STPG2: variants seen among roughly 807,000 people sequenced by gnomAD.
The protein encoded by STPG2 is sperm-tail PG-rich repeat-containing protein 2.
STPG2 carries 56 observed loss-of-function variants against 54.2 expected under a neutral mutation model. The ratio of observed to expected loss-of-function variants is 1.03; its 90% CI spans 0.83 to 1.29. The LOEUF (loss-of-function observed/expected upper bound fraction) is 1.29, where lower values mean the gene tolerates loss of function less well. Among genes scored for constraint, STPG2 ranks in the 50% most tolerant of loss-of-function variants. The probability of loss-of-function intolerance (pLI) is 0.00; values close to 1 mark genes in which losing one functional copy is unlikely to be tolerated. For missense variants in STPG2, 596 were observed against 544.9 expected (o/e 1.09, Z -0.93); for synonymous variants, 200 against 181.8 (o/e 1.10, Z -0.81).
chr4:97,890,349 TA>T (rs869180083), intron 8 of STPG2, among the ~76,000 whole-genome samples: 3 of 151,994 alleles, frequency 2.0e-5, no homozygotes, highest in African/African-American at 7.2e-5. Flanking sequence ...ACACCAAATT[TA>T]AAAAAATTTT....
chr4:97,517,020 G>A (rs925519244), intron 4 of STPG2, among the ~76,000 whole-genome samples: 1 of 151,648 alleles, frequency 6.6e-6, no homozygotes, highest in African/African-American at 2.4e-5. Flanking sequence ...TGATTTTCCT[G>A]CCTCAGCCTC....
intron 10 of STPG2, among the ~76,000 whole-genome samples, chr4:97,684,924 A>G (rs1723142803): frequency 1.3e-5 from 2 of 151,998 alleles, no homozygotes; most frequent in Admixed American, 6.6e-5. Flanking sequence ...ATGAACAGAC[A>G]CCTCACTAAA....
At chr4:97,650,919 A>C (rs1288302296) in intron 10 of STPG2, among the ~76,000 whole-genome samples, 2 of 152,086 alleles carry the variant, frequency 1.3e-5, no homozygotes, top group Non-Finnish European at 2.9e-5. Context: ...GTAAGTCACG[A>C]TATATAGGGT....
At chr4:97,567,209 CAT>C (rs928763931) in intron 10 of STPG2, among the ~76,000 whole-genome samples, 7 of 128,136 alleles carry the variant, frequency 5.5e-5, no homozygotes, top group Admixed American at 7.7e-5. Context: ...CACACACACA[CAT>C]ACACACACAC....
At chr4:97,652,737 A>G (rs1722105388) in intron 10 of STPG2, among the ~76,000 whole-genome samples, 1 of 152,014 alleles carries the variant, frequency 6.6e-6, no homozygotes, top group Non-Finnish European at 1.5e-5. Context: ...AATGAATGGT[A>G]TAGACAATAA....
intron 9 of STPG2, among the ~76,000 whole-genome samples, chr4:97,835,712 T>A (rs1474732561): frequency 1.3e-5 from 2 of 152,122 alleles, no homozygotes; most frequent in Non-Finnish European, 2.9e-5. Flanking sequence ...AAAGTAAATT[T>A]AAAACCTTCT....
intron 4 of STPG2, among the ~76,000 whole-genome samples, chr4:97,444,004 C>T (rs1159890524): frequency 2.9e-4 from 44 of 151,904 alleles, no homozygotes; most frequent in Non-Finnish European, 4.4e-5. Context: ...AAGGAAATTA[C>T]AGAACTGAAA....
At chr4:97,937,741 A>T in intron 8 of STPG2, among the ~76,000 whole-genome samples, 1 of 152,122 alleles carries the variant, frequency 6.6e-6, no homozygotes, top group East Asian at 1.9e-4. Context: ...AGAACAGCAA[A>T]GATGGGTGCC....
rs147885605 is a variant in STPG2 at position 97,441,392 on chromosome 4, C to T, written c.463-253559G>A. 125 of 151,978 alleles carry T rather than the reference C, an allele frequency of 8.2e-4. 1 individual carries two copies. Among genetic ancestry groups the T allele is most frequent in the African/African-American group, 2.9e-3 (120 of 41,522 alleles). The allele number at this position is 151,978 out of a possible 1,614,324, so 9.4% of individuals were successfully genotyped here. ...GAAAAAAACAAATATTATATAAGAA[C>T]GTATTTTTTATCTCTAGATGTTAGA... On this transcript the variant is annotated intron_variant, in intron 4 of 4. Transcript: ENST00000522676.
At chr4:98,082,941 T>C (rs113569588) in intron 5 of STPG2, among the ~76,000 whole-genome samples, 3 of 152,270 alleles carry the variant, frequency 2.0e-5, no homozygotes, top group African/African-American at 7.2e-5. Flanking sequence ...ATTGCCACTA[T>C]TGCCATAATC....
At chr4:97,624,561 C>T (rs1244780207) in intron 10 of STPG2, among the ~76,000 whole-genome samples, 2 of 152,092 alleles carry the variant, frequency 1.3e-5, no homozygotes, top group Admixed American at 1.3e-4. Context: ...AAAATTTCTC[C>T]CATTCTGTAG....
At chr4:97,769,485 G>A (rs113967444) in intron 9 of STPG2, among the ~76,000 whole-genome samples, 2,761 of 151,896 alleles carry the variant, frequency 0.018, 76 homozygotes, top group African/African-American at 0.063. Flanking sequence ...TGTAGTAAAA[G>A]TAAAAAAAAT....
At chr4:98,063,938 C>T (rs561070941) in intron 5 of STPG2, among the ~76,000 whole-genome samples, 11 of 151,686 alleles carry the variant, frequency 7.3e-5, no homozygotes, top group Middle Eastern at 3.4e-3. Flanking sequence ...CAGAGTGAGA[C>T]CCTGCCTCAA....
intron 3 of STPG2, among the ~76,000 whole-genome samples, chr4:98,126,343 C>T (rs1383827877): frequency 6.6e-6 from 1 of 152,228 alleles, no homozygotes; most frequent in Non-Finnish European, 1.5e-5. Context: ...CCCCCGTCAG[C>T]CTGCACAGCT....
At chr4:97,846,608 T>G (rs1728958597) in intron 8 of STPG2, among the ~76,000 whole-genome samples, 1 of 120,356 alleles carries the variant, frequency 8.3e-6, no homozygotes, top group Non-Finnish European at 1.6e-5. Flanking sequence ...CTGGCAACAG[T>G]GTGAGACTCC....
At position 97,981,206 on chromosome 4, in the gene STPG2, T is replaced by C. The variant is rs567902903; in HGVS notation, c.725A>G (p.Gln242Arg). 1.9e-6 allele frequency: 3 copies of C among 1,614,046 alleles called. No homozygotes were observed. The South Asian group carries it at 3.3e-5, about 18-fold the overall frequency. ...TSGLKNIPFGQSAVRFTQDIR... is the reference protein window; with the variant it reads ...TSGLKNIPFGRSAVRFTQDIR... ...GTCCTGTGTGAATCGAACAGCACTT[T>C]GACCAAATGGAATATTTTTCAGTCC... The change falls in exon 6 of 11, where the codon CAA (glutamine) becomes CGA (arginine). Residue 242 changes from glutamine (Q) to arginine (R), a missense_variant. Physicochemically the swap from Gln to Arg is conservative, Grantham distance 43. Transcript: ENST00000295268.
rs760347494 is a variant in STPG2 at position 97,919,934 on chromosome 4, C to T, written c.1044+23963G>A. Among the ~76,000 whole-genome samples, 77 of 152,128 alleles carry T rather than the reference C, an allele frequency of 5.1e-4. 1 individual carries two copies. Among genetic ancestry groups the T allele is most frequent in the Non-Finnish European group, 9.6e-4 (65 of 68,026 alleles). ...GCCCTCCTTGAATTTATTGAATAGCCTATGTACTGCCATGTTAGGCAGTAT... is the reference window on the plus strand; with the variant it reads ...GCCCTCCTTGAATTTATTGAATAGCTTATGTACTGCCATGTTAGGCAGTAT... On this transcript the variant is annotated intron_variant, in intron 8 of 10. Coordinates refer to ENST00000295268, the MANE Select transcript of STPG2 (RefSeq NM_174952.3).
At position 97,509,570 on chromosome 4, in the gene STPG2, T is replaced by C. The variant is rs74345555; in HGVS notation, c.462+203129A>G. Among the ~76,000 whole-genome samples the C allele has an allele frequency of 1.3e-4, 20 of 152,192 alleles. No homozygotes were observed. In the East Asian group the frequency reaches 3.9e-3, roughly 29 times the overall value. ...TAATGAGGATTTGTGGTATACAATA[T>C]ACAAAAATCTAAAAACAAAGCCTTT... On this transcript the variant is annotated intron_variant, in intron 4 of 4. Transcript: ENST00000522676.
At chr4:97,802,010 G>T (rs1392563233) in intron 9 of STPG2, among the ~76,000 whole-genome samples, 1 of 152,194 alleles carries the variant, frequency 6.6e-6, no homozygotes. Context: ...AACAGAGGTT[G>T]GTTGGACTCC....
Sources: gnomAD v4.1 joint callset for allele counts (sites outside exome capture counted in the v4.1 genomes callset) on GRCh38, gnomAD v4.1.1 for gene constraint, MANE v1.5 for transcripts, NCBI Gene and HGNC (gene_info 2026-07-23, HGNC 2026-07-21) for gene names.